DCC: variants seen among roughly 807,000 people sequenced by gnomAD.
The protein encoded by DCC is netrin receptor DCC.
A neutral mutation model predicts 172.5 loss-of-function variants in DCC; 58 were observed. That is an observed-to-expected ratio of 0.34 (90% confidence interval 0.27 to 0.42). The LOEUF is 0.42. Among genes scored for constraint, DCC ranks in the 10% least tolerant of loss-of-function variants. DCC has a pLI of 1.00. For synonymous variants in DCC, 709 were observed against 644.5 expected, an observed-to-expected ratio of 1.10 and a Z score of -1.52; for missense variants, 1,740 against 1,791.0, an observed-to-expected ratio of 0.97 and a Z score of 0.51.
At chr18:53,180,105 A>G (rs939095092) in intron 9 of DCC, among the ~76,000 whole-genome samples, 2 of 152,176 alleles carry the variant, frequency 1.3e-5, no homozygotes, top group African/African-American at 4.8e-5. Flanking sequence ...TAATTGTGAG[A>G]GAGTAACCTT....
chr18:53,329,742 A>G (rs1028528623), intron 14 of DCC, among the ~76,000 whole-genome samples: 1 of 152,138 alleles, frequency 6.6e-6, no homozygotes, highest in African/African-American at 2.4e-5. Context: ...TCTGGGGTGG[A>G]AAAAGAAATT....
At chr18:52,609,869 A>G (rs1433486588) in intron 1 of DCC, among the ~76,000 whole-genome samples, 2 of 152,032 alleles carry the variant, frequency 1.3e-5, no homozygotes, top group Non-Finnish European at 2.9e-5. Flanking sequence ...AGCTAAGTTC[A>G]TGGTATGTTG....
chr18:52,540,110 A>G (rs1268581320), intron 1 of DCC, among the ~76,000 whole-genome samples: 4 of 152,300 alleles, frequency 2.6e-5, no homozygotes, highest in Non-Finnish European at 5.9e-5. Context: ...TGTACACTCT[A>G]GGACATTAAT....
chr18:52,384,293 T>A (rs1488258112), intron 1 of DCC, among the ~76,000 whole-genome samples: 1 of 152,124 alleles, frequency 6.6e-6, no homozygotes. Flanking sequence ...CCGAGCTTCC[T>A]TCAGAGGTTA....
At chr18:52,643,957 G>GTT (rs200721859) in intron 1 of DCC, among the ~76,000 whole-genome samples, 11 of 48,332 alleles carry the variant, frequency 2.3e-4, no homozygotes, top group Admixed American at 1.0e-3. Context: ...ACAGTATTTT[G>GTT]GTTTTTTTTT....
chr18:52,861,604 T>C (rs1481647339), intron 2 of DCC, among the ~76,000 whole-genome samples: 1 of 152,184 alleles, frequency 6.6e-6, no homozygotes, highest in Non-Finnish European at 1.5e-5. Context: ...AAAGAAATAA[T>C]TCTTGACTCT....
intron 2 of DCC, among the ~76,000 whole-genome samples, chr18:52,831,257 A>G (rs1481966541): frequency 2.0e-5 from 3 of 152,286 alleles, no homozygotes; most frequent in Admixed American, 6.5e-5. Context: ...TTAGTAGGAC[A>G]TGAGCTATGA....
intron 2 of DCC, among the ~76,000 whole-genome samples, chr18:52,789,057 T>C (rs116596968): frequency 0.011 from 1,748 of 152,212 alleles, 31 homozygotes; most frequent in African/African-American, 0.04. Flanking sequence ...TAACTATCCT[T>C]CCGTAACTAC....
At chr18:53,518,870 AT>A (rs1216852742) in intron 27 of DCC, among the ~76,000 whole-genome samples, 2 of 152,160 alleles carry the variant, frequency 1.3e-5, no homozygotes, top group Non-Finnish European at 2.9e-5. Flanking sequence ...CAGAAACGTA[AT>A]ACCACTTATT....
chr18:52,981,069 ACT>A (rs2041201394), intron 5 of DCC, among the ~76,000 whole-genome samples: 1 of 151,932 alleles, frequency 6.6e-6, no homozygotes, highest in Admixed American at 6.6e-5. Flanking sequence ...AGTAATATAC[ACT>A]CTCTGGATTT....
chr18:53,238,820 G>A (rs2056243296), intron 12 of DCC, among the ~76,000 whole-genome samples: 1 of 152,068 alleles, frequency 6.6e-6, no homozygotes, highest in Admixed American at 6.6e-5. Context: ...CCTACATAAA[G>A]TGAACCCAGA....
At chr18:52,801,398 C>A (rs1294926155) in intron 2 of DCC, among the ~76,000 whole-genome samples, 1 of 151,972 alleles carries the variant, frequency 6.6e-6, no homozygotes, top group Admixed American at 6.6e-5. Flanking sequence ...TGGATTAACT[C>A]AATTTTCACA....
intron 1 of DCC, among the ~76,000 whole-genome samples, chr18:52,618,936 A>G (rs1227287211): frequency 1.3e-5 from 2 of 151,828 alleles, no homozygotes; most frequent in African/African-American, 2.4e-5. Flanking sequence ...GCTACATTTC[A>G]TCTTTTTATT....
At chr18:52,974,814 T>C (rs2041090709) in intron 5 of DCC, among the ~76,000 whole-genome samples, 1 of 152,224 alleles carries the variant, frequency 6.6e-6, no homozygotes, top group Admixed American at 6.5e-5. Flanking sequence ...GTGGGCATGA[T>C]GTCTTTAACT....
intron 1 of DCC, among the ~76,000 whole-genome samples, chr18:52,572,497 T>C (rs1002872450): frequency 3.3e-5 from 5 of 152,170 alleles, no homozygotes; most frequent in Admixed American, 6.5e-5. Context: ...CCTGGCAAGG[T>C]AGACACAGAC....
At chr18:53,021,630 T>A (rs535441453) in intron 5 of DCC, among the ~76,000 whole-genome samples, 7 of 152,242 alleles carry the variant, frequency 4.6e-5, no homozygotes, top group Non-Finnish European at 8.8e-5. Context: ...ATTGTACACT[T>A]ATATATTGGA....
At chr18:52,702,408 A>G (rs1426631050) in intron 1 of DCC, among the ~76,000 whole-genome samples, 2 of 152,148 alleles carry the variant, frequency 1.3e-5, no homozygotes, top group Non-Finnish European at 2.9e-5. Context: ...AGGTTCCTTG[A>G]AGTTTACAAG....
chr18:53,324,290 A>C (rs2057442942), intron 14 of DCC, among the ~76,000 whole-genome samples: 1 of 152,114 alleles, frequency 6.6e-6, no homozygotes, highest in Non-Finnish European at 1.5e-5. Flanking sequence ...CCCATCACTA[A>C]TAGCTTAGAA....
At chr18:52,563,704 G>T (rs898585196) in intron 1 of DCC, among the ~76,000 whole-genome samples, 2 of 152,138 alleles carry the variant, frequency 1.3e-5, no homozygotes, top group Non-Finnish European at 2.9e-5. Context: ...TAAAAATTAT[G>T]CAGGTAGATT....
Sources: allele counts gnomAD v4.1 joint callset (sites outside exome capture counted in the v4.1 genomes callset), GRCh38; gene constraint gnomAD v4.1.1; transcripts MANE v1.5; gene names NCBI Gene and HGNC (gene_info 2026-07-23, HGNC 2026-07-21).